Variants in NAA10 observed in about 807,000 individuals in gnomAD.
NAA10 encodes N-alpha-acetyltransferase 10.
A neutral mutation model predicts 19.2 loss-of-function variants in NAA10; 6 were observed. The observed-to-expected ratio is 0.31, with a 90% confidence interval of 0.17 to 0.62. NAA10 has a LOEUF of 0.62. Ranked by LOEUF, NAA10 falls within the 20% of genes least tolerant of loss-of-function variation. NAA10 has a pLI of 0.83. For missense variants in NAA10, 101 were observed against 198.4 expected (o/e 0.51, Z 2.95); for synonymous variants, 97 against 79.9 (o/e 1.21, Z -1.14).
At chrX:153,934,337 G>C (rs1457911860) in intron 2 of NAA10, 40 bp downstream of exon 2, 1 of 1,078,389 alleles carries the variant, frequency 9.3e-7, no homozygotes, top group East Asian at 3.2e-5. Context: ...GATTTTCCTC[G>C]GCCTGCTTTC....
At chrX:153,930,410 G>A (rs782415245) in intron 7 of NAA10, 187 bp from the exon 8 acceptor site, 4 of 482,746 alleles carry the variant, frequency 8.3e-6, no homozygotes, top group Admixed American at 3.0e-5. Context: ...TGGGCTTACC[G>A]ACTACCATGG....
chrX:153,934,285 G>A, intron 2 of NAA10, 92 bp downstream of exon 2: 2 of 798,445 alleles, frequency 2.5e-6, no homozygotes, highest in East Asian at 3.4e-5. Flanking sequence ...AGCCCCCTGG[G>A]CTCTGACAGA....
At chrX:153,931,547 C>T (rs1313631062) in intron 6 of NAA10, 27 of 813,278 alleles carry the variant, frequency 3.3e-5, no homozygotes, top group Non-Finnish European at 3.8e-5. Flanking sequence ...CCACTGTCTA[C>T]TGGGCATGCC....
chrX:153,930,271 A>G, intron 7 of NAA10, 48 bp from the exon 8 acceptor site: 1 of 1,104,065 alleles, frequency 9.1e-7, no homozygotes, highest in Non-Finnish European at 1.3e-6. Context: ...GACAGGGCCT[A>G]AGTTTCCAGA....
intron 6 of NAA10, 121 bp downstream of exon 6, chrX:153,931,950 A>G: frequency 8.3e-7 from 1 of 1,201,921 alleles, no homozygotes; most frequent in Non-Finnish European, 1.1e-6. Flanking sequence ...TGGGGTCCAC[A>G]GCCTCTTCCC....
In NAA10 at chrX:153,931,198, G is replaced by A. The variant is rs2065164709; in HGVS notation, c.387-351C>T. On this transcript the variant is annotated intron_variant, in intron 6 of 7. Transcript: ENST00000464845. Reference sequence around the variant, plus strand: ...GCCTCACAACAGCCATCAGAACCCAGGAAAGACGGTGAGCCCTGCCTGAGC... The same window carrying A: ...GCCTCACAACAGCCATCAGAACCCAAGAAAGACGGTGAGCCCTGCCTGAGC... 9 of 940,810 alleles carry A rather than the reference G, an allele frequency of 9.6e-6. No homozygotes were observed. The South Asian group carries it at 2.2e-4, about 23-fold the overall frequency. 77.5% of individuals were successfully genotyped at this position (940,810 alleles called of 1,213,427 possible). A position where few individuals can be genotyped will look rare whatever the true frequency, so the allele number is the denominator to read the frequency against.
chrX:153,931,667 G>A, intron 6 of NAA10: 1 of 874,095 alleles, frequency 1.1e-6, no homozygotes. Flanking sequence ...TCCTGAATGT[G>A]CATTCTCCTC....
chrX:153,934,440 G>A lies in NAA10; in HGVS notation c.57C>T (p.Leu19=), dbSNP rs1557107970. The part of the protein sequence containing the change: ...EDLMNMQHCN[L]LCLPENYQMK... ...TCTGGTAGTTCTCGGGCAGGCAGAG[G>A]AGGTTGCAGTGCTGCATGTTCATTA... The change falls in exon 2 of 8, where the codon CTC becomes CTT. Residue 19 remains leucine (L), a synonymous_variant. Transcript: ENST00000464845. The A allele has an allele frequency of 8.3e-7, 1 of 1,207,984 alleles. No individual in the cohort carries two copies. Among genetic ancestry groups the A allele is most frequent in the Admixed American group, 2.2e-5 (1 of 45,779 alleles).
In NAA10 at chrX:153,929,920, G is replaced by T; in HGVS notation, c.*67C>A. 1.1e-6 allele frequency: 1 copy of T among 950,120 alleles called. No homozygotes were observed. Among genetic ancestry groups the T allele is most frequent in the Non-Finnish European group, 1.5e-6 (1 of 659,135 alleles). 78.3% of individuals were successfully genotyped at this position (950,120 alleles called of 1,213,427 possible). A position where few individuals can be genotyped will look rare whatever the true frequency, so the allele number is the denominator to read the frequency against. On this transcript the variant is annotated 3_prime_UTR_variant, in exon 8 of 8. Coordinates refer to ENST00000464845, the MANE Select transcript of NAA10 (RefSeq NM_003491.4). The stretch of plus-strand genomic sequence containing the variant: ...AAATGTGCGCGCGCTCACACACAAA[G>T]TTCCCCAGTGCCACGGAGCGAATTT...
rs782081670 is a variant in NAA10, at chrX:153,930,002, G to A, written c.693C>T (p.Ser231=). 6.1e-5 allele frequency: 74 copies of A among 1,207,226 alleles called. No individual in the cohort carries two copies. In the South Asian group the frequency reaches 9.5e-4, roughly 16 times the overall value. The change falls in exon 8 of 8, where the codon TCC becomes TCT. Residue 231 remains serine, a synonymous_variant. Transcript: ENST00000464845. ...GGGGCAGGCTCTAGGAGGCTGAGTC[G>A]GAGGCCTCTGAGCTGTCCTTGACAT... The part of the protein sequence containing the change: ...STDVKDSSEA[S]DSAS
rs2148533832 is a variant in NAA10 at position 153,930,088 on chromosome X, C to T, written c.607G>A (p.Glu203Lys). The T allele has an allele frequency of 1.7e-6, 2 of 1,211,158 alleles. No individual in the cohort carries two copies. Among genetic ancestry groups the T allele is most frequent in the Non-Finnish European group, 2.2e-6 (2 of 895,293 alleles). ...ACREEKGLAA[E>K]DSGGDSKDLS... ...TCCTTGCTGTCCCCACCACTATCCT[C>T]GGCAGCCAGGCCCTTCTCCTCGCGA... is the stretch of plus-strand genomic sequence containing the variant. Residue 203 changes from glutamate to lysine, a missense_variant, in exon 8 of 8, where the codon GAG becomes AAG. This residue lies in a region of NAA10 where 58 missense variants were observed against 75.8 expected (regional missense o/e 0.77). Coordinates refer to ENST00000464845, the MANE Select transcript of NAA10 (RefSeq NM_003491.4).
chrX:153,934,592 G>C (rs2065186237), intron 1 of NAA10, 117 bp from the exon 2 acceptor site: 1 of 652,077 alleles, frequency 1.5e-6, no homozygotes, highest in Admixed American at 2.6e-5. Flanking sequence ...GGCAGGCACT[G>C]TGACGATCTG....
chrX:153,934,706 AGCCCCGGCCCCGC>A (rs1379335007), intron 1 of NAA10, 165 bp downstream of exon 1: 35 of 614,148 alleles, frequency 5.7e-5, no homozygotes, highest in Non-Finnish European at 7.7e-5. Flanking sequence ...AGGGAATCGC[AGCCCCGGCCCCGC>A]GCCCCGGCCT....
chrX:153,931,962 A>G, intron 6 of NAA10, 109 bp downstream of exon 6: 1 of 1,205,598 alleles, frequency 8.3e-7, no homozygotes, highest in South Asian at 1.8e-5. Context: ...CCTCTTCCCC[A>G]CAGCCGGCCC....
Position 153,934,870 on chromosome X carries a change from C to T in NAA10, c.21+14G>A. 1.1e-5 allele frequency: 11 copies of T among 1,004,159 alleles called. No homozygotes were observed. The highest frequency in any genetic ancestry group is 1.4e-5 in the Non-Finnish European group (11 of 786,653). The allele number at this position is 1,004,159 out of a possible 1,213,427, so 82.8% of individuals were successfully genotyped here. On this transcript the variant is annotated intron_variant, in intron 1 of 7. Coordinates refer to ENST00000464845, the MANE Select transcript of NAA10 (RefSeq NM_003491.4). ...CCCACGCGGCGCGGACAGCCTCCCG[C>T]CCCGGGCGCTCACCCTCGCATTGCG...
Position 153,932,351 on chromosome X carries a change from G to C in NAA10, c.306C>G (p.Phe102Leu). ...DQASRAMIENFNAKYVSLHVR... is the reference protein window; with the variant it reads ...DQASRAMIENLNAKYVSLHVR... ...CATGCAGGGAGACATATTTGGCATT[G>C]AAGTTCTCTATCATGGCTCGAGAGG... The change falls in exon 5 of 8, where the codon TTC (phenylalanine) becomes TTG (leucine). Residue 102 changes from phenylalanine (F) to leucine (L), a missense_variant. Coordinates refer to ENST00000464845, the MANE Select transcript of NAA10 (RefSeq NM_003491.4). 1 of 1,211,115 alleles carries C rather than the reference G, an allele frequency of 8.3e-7. No individual in the cohort carries two copies. Among genetic ancestry groups the C allele is most frequent in the Non-Finnish European group, 1.1e-6 (1 of 895,139 alleles).
chrX:153,931,153 G>A (rs1445319622), intron 6 of NAA10: 10 of 991,252 alleles, frequency 1.0e-5, no homozygotes, highest in East Asian at 9.8e-5. Context: ...CCTGCCCTGC[G>A]CCCTGTCCCT....
rs1490177401 is a variant in NAA10 at position 153,931,376 on chromosome X, A to G, written c.387-529T>C. 3 of 826,817 alleles carry G rather than the reference A, an allele frequency of 3.6e-6. No homozygotes were observed. In the East Asian group the frequency reaches 3.0e-4, roughly 84 times the overall value. The allele number at this position is 826,817 out of a possible 1,213,427, so 68.1% of individuals were successfully genotyped here. Reference sequence around the variant, plus strand: ...TTAGCTATAAAGCAATTCCCACCAGACATCGTCATCTGGGTCACAGATCCC... The same window carrying G: ...TTAGCTATAAAGCAATTCCCACCAGGCATCGTCATCTGGGTCACAGATCCC... On this transcript the variant is annotated intron_variant, in intron 6 of 7. Transcript: ENST00000464845.
At chrX:153,930,578 CA>C (rs2065161000) in intron 7 of NAA10, 184 bp downstream of exon 7, 1 of 492,799 alleles carries the variant, frequency 2.0e-6, no homozygotes, top group East Asian at 3.6e-5. Context: ...CTGCCTCTCC[CA>C]TCACCCTCCA....
Sources: allele counts gnomAD v4.1 joint callset, GRCh38; gene constraint gnomAD v4.1.1; regional missense constraint gnomAD v4.1.1; transcripts MANE v1.5; gene names NCBI Gene and HGNC (gene_info 2026-07-23, HGNC 2026-07-21).